The following THADA variants were observed in gnomAD, a reference collection of about 807,000 sequenced individuals.
THADA encodes the protein tRNA (32-2'-O)-methyltransferase regulator THADA.
In THADA, 213 loss-of-function variants were observed where a neutral mutation model predicts 219.8. The observed-to-expected ratio is 0.97, with a 90% CI of 0.87 to 1.09. The LOEUF (loss-of-function observed/expected upper bound fraction) is 1.09. Ranked by LOEUF, THADA falls within the 50% of genes least tolerant of loss-of-function variation. THADA has a pLI of 0.00. For synonymous variants in THADA, 1,018 were observed against 828.9 expected, an observed-to-expected ratio of 1.23 and a Z score of -3.92; for missense variants, 2,956 against 2,311.3, an observed-to-expected ratio of 1.28 and a Z score of -5.72.
rs1013505723 is a variant in THADA, at chr2:43,530,359, C to T, written c.3265-2371G>A. ...CATTGTTTGAACAGAATTATCAAGG[C>T]TTAAATCCGAATTAAACCCCTAAAA... is the stretch of plus-strand genomic sequence containing the variant. On this transcript the variant is annotated intron_variant, in intron 21 of 37. Coordinates refer to ENST00000405975, the MANE Select transcript of THADA (RefSeq NM_022065.5). Among the ~76,000 whole-genome samples, 8 of 152,098 alleles carry T rather than the reference C, an allele frequency of 5.3e-5. No homozygotes were observed. In the East Asian group the frequency reaches 1.5e-3, roughly 29 times the overall value.
chr2:43,234,373 T>C (rs752481147), intron 36 of THADA, among the ~76,000 whole-genome samples: 100 of 152,302 alleles, frequency 6.6e-4, no homozygotes, highest in Non-Finnish European at 1.4e-3. Context: ...TCTCACCATC[T>C]TGAGAGCTCC....
At chr2:43,273,673 A>G (rs559977594) in intron 36 of THADA, among the ~76,000 whole-genome samples, 4 of 152,216 alleles carry the variant, frequency 2.6e-5, no homozygotes, top group African/African-American at 9.6e-5. Flanking sequence ...CCAGGAGTGG[A>G]ATCATCTGTG....
intron 29 of THADA, among the ~76,000 whole-genome samples, chr2:43,390,316 T>A (rs1201996514): frequency 2.0e-5 from 3 of 152,214 alleles, no homozygotes; most frequent in Non-Finnish European, 4.4e-5. Context: ...TGGCCTTGTT[T>A]ATCCACTACT....
At chr2:43,345,054 G>A (rs925469458) in intron 29 of THADA, among the ~76,000 whole-genome samples, 1 of 152,236 alleles carries the variant, frequency 6.6e-6, no homozygotes, top group South Asian at 2.1e-4. Flanking sequence ...TAAATCAAGA[G>A]GAAGAGGTGG....
intron 36 of THADA, among the ~76,000 whole-genome samples, chr2:43,251,787 C>G (rs1669830935): frequency 6.6e-6 from 1 of 152,250 alleles, no homozygotes; most frequent in Non-Finnish European, 1.5e-5. Context: ...CCTCCCCTAT[C>G]CTCATGCCTT....
intron 19 of THADA, among the ~76,000 whole-genome samples, 200 bp downstream of exon 19, chr2:43,551,589 A>ATT (rs34513683): frequency 0.018 from 2,413 of 135,100 alleles, 73 homozygotes; most frequent in African/African-American, 0.062. Flanking sequence ...TGGTTTGGGA[A>ATT]TTTTTTTTTT....
chr2:43,451,039 G>GAATATA (rs1179349786), intron 26 of THADA, among the ~76,000 whole-genome samples: 6 of 152,102 alleles, frequency 3.9e-5, no homozygotes, highest in African/African-American at 1.4e-4. Context: ...GGTTACACAA[G>GAATATA]AATATAAATA....
At position 43,312,716 on chromosome 2, in the gene THADA, TG is replaced by T. The variant is rs150217168; in HGVS notation, c.4438+7729del. On this transcript the variant is annotated intron_variant, in intron 31 of 37. Coordinates refer to ENST00000405975, the MANE Select transcript of THADA (RefSeq NM_022065.5). Reference sequence around the variant, plus strand: ...CAACTAATTTATTGACAACAAAGCCTGTTTTTTTTTTTTTTTTTTCCTCCTC... The same window carrying T: ...CAACTAATTTATTGACAACAAAGCCTTTTTTTTTTTTTTTTTTTCCTCCTC... Among the ~76,000 whole-genome samples, 35 of 145,660 alleles carry T rather than the reference TG, an allele frequency of 2.4e-4. 1 individual carries two copies. The highest frequency in any genetic ancestry group is 4.7e-4 in the Non-Finnish European group (31 of 66,272).
At chr2:43,533,836 AC>A (rs1694211549) in intron 21 of THADA, among the ~76,000 whole-genome samples, 1 of 152,184 alleles carries the variant, frequency 6.6e-6, no homozygotes, top group South Asian at 2.1e-4. Context: ...GCAGCAAACC[AC>A]CGTGGCACAT....
intron 4 of THADA, among the ~76,000 whole-genome samples, chr2:43,588,334 A>G (rs1482387259): frequency 6.6e-6 from 1 of 152,062 alleles, no homozygotes; most frequent in East Asian, 1.9e-4. Flanking sequence ...ATAATGTTTT[A>G]AATAATCTTG....
intron 10 of THADA, among the ~76,000 whole-genome samples, chr2:43,575,817 T>C (rs1363972622): frequency 6.6e-6 from 1 of 152,158 alleles, no homozygotes; most frequent in Non-Finnish European, 1.5e-5. Flanking sequence ...ATTACAGGCT[T>C]GAGCCACCAT....
intron 26 of THADA, among the ~76,000 whole-genome samples, chr2:43,472,345 C>T (rs1422173954): frequency 6.6e-6 from 1 of 152,218 alleles, no homozygotes; most frequent in Non-Finnish European, 1.5e-5. Context: ...TAAATGGTGG[C>T]ACTGCAGACA....
In THADA at chr2:43,313,901, C is replaced by CA. The variant is rs1226298926; in HGVS notation, c.4438+6544_4438+6545insT. Among the ~76,000 whole-genome samples, 6 of 152,334 alleles carry CA rather than the reference C, an allele frequency of 3.9e-5. No individual in the cohort carries two copies. The East Asian group carries it at 1.2e-3, about 29-fold the overall frequency. Reference sequence around the variant, plus strand: ...CAGCTGGAGAGCTCAGGATCTGCCACCTTAGCACACATGGGATGTTAGGCA... The same window carrying CA: ...CAGCTGGAGAGCTCAGGATCTGCCACACTTAGCACACATGGGATGTTAGGCA... On this transcript the variant is annotated intron_variant, in intron 31 of 37. Transcript: ENST00000405975.
intron 31 of THADA, among the ~76,000 whole-genome samples, chr2:43,294,692 G>C (rs1054193017): frequency 6.6e-6 from 1 of 152,156 alleles, no homozygotes; most frequent in Non-Finnish European, 1.5e-5. Flanking sequence ...AATATTAGAG[G>C]CAGGGAGACC....
intron 28 of THADA, among the ~76,000 whole-genome samples, chr2:43,417,037 C>CTTTTTTTTTTT (rs67993873): frequency 1.3e-4 from 12 of 93,778 alleles, no homozygotes; most frequent in African/African-American, 2.8e-4. Flanking sequence ...TGGCTGTTTT[C>CTTTTTTTTTTT]TTTTTTTTTT....
chr2:43,410,808 G>A lies in THADA; in HGVS notation c.4059-12669C>T, dbSNP rs181760178. On this transcript the variant is annotated intron_variant, in intron 28 of 37. Transcript: ENST00000405975. ...CATGACAGTGATGATGGTTTTATGG[G>A]TATATAAAAATATCAAATTGTACAC... is the stretch of plus-strand genomic sequence containing the variant. Among the ~76,000 whole-genome samples the A allele has an allele frequency of 8.9e-4, 135 of 152,214 alleles. 1 individual carries two copies. The highest frequency in any genetic ancestry group is 2.0e-3 in the Admixed American group (31 of 15,286).
intron 36 of THADA, among the ~76,000 whole-genome samples, chr2:43,273,697 T>A (rs1375055039): frequency 1.3e-5 from 2 of 152,112 alleles, no homozygotes; most frequent in Non-Finnish European, 2.9e-5. Flanking sequence ...CAGTGTGAAG[T>A]CCCACAGGGC....
chr2:43,305,757 G>C (rs1024555237), intron 31 of THADA, among the ~76,000 whole-genome samples: 1 of 152,064 alleles, frequency 6.6e-6, no homozygotes, highest in Admixed American at 6.6e-5. Context: ...TTTTACTATT[G>C]CCTCCACCCA....
intron 29 of THADA, among the ~76,000 whole-genome samples, chr2:43,393,176 T>G (rs549767776): frequency 6.6e-6 from 1 of 152,292 alleles, no homozygotes; most frequent in African/African-American, 2.4e-5. Flanking sequence ...CAATATACCT[T>G]TCACGGGTCG....
Sources: allele counts gnomAD v4.1 joint callset (sites outside exome capture counted in the v4.1 genomes callset), GRCh38; gene constraint gnomAD v4.1.1; transcripts MANE v1.5; gene names NCBI Gene and HGNC (gene_info 2026-07-23, HGNC 2026-07-21).